The following ZBTB7C variants were observed in gnomAD, a reference collection of about 807,000 sequenced individuals.
The protein encoded by ZBTB7C is zinc finger and BTB domain-containing protein 7C.
A neutral mutation model predicts 25.7 loss-of-function variants in ZBTB7C; 8 were observed. The ratio of observed to expected loss-of-function variants is 0.31; its 90% CI spans 0.18 to 0.56. The LOEUF (loss-of-function observed/expected upper bound fraction) is 0.56, where lower values mean the gene tolerates loss of function less well. Among genes scored for constraint, ZBTB7C ranks in the 20% least tolerant of loss-of-function variants. The probability of loss-of-function intolerance (pLI) is 0.91; values close to 1 mark genes in which losing one functional copy is unlikely to be tolerated. For synonymous variants in ZBTB7C, 394 were observed against 369.0 expected (o/e 1.07, Z -0.78); for missense variants, 824 against 855.2 (o/e 0.96, Z 0.46).
chr18:48,319,629 G>C (rs1220031579), intron 2 of ZBTB7C, among the ~76,000 whole-genome samples: 2 of 152,150 alleles, frequency 1.3e-5, no homozygotes, highest in African/African-American at 4.8e-5. Flanking sequence ...AAGGCTAAAA[G>C]TAATGATAAT....
Position 48,179,903 on chromosome 18 carries a change from T to C in ZBTB7C, c.-17+6031A>G, listed in dbSNP as rs150087003. Among the ~76,000 whole-genome samples the C allele has an allele frequency of 2.1e-5, 3 of 142,408 alleles. No individual in the cohort carries two copies. In the East Asian group the frequency reaches 7.1e-4, roughly 34 times the overall value. The allele number at this position is 142,408 out of a possible 152,430, so 93.4% of individuals were successfully genotyped here. ...CTTCCTGCAAGGAAGATATTTCTCC[T>C]TCCTTCCTCCCTTCCTTCCTTCCTT... On this transcript the variant is annotated intron_variant, in intron 3 of 4. Transcript: ENST00000590800.
chr18:48,130,162 T>C (rs11082653), intron 3 of ZBTB7C, among the ~76,000 whole-genome samples: 128,193 of 152,206 alleles, frequency 0.84, 54,066 homozygotes, highest in Admixed American at 0.88. Context: ...CCTGAAATTG[T>C]ACCTCTAGAG....
intron 1 of ZBTB7C, among the ~76,000 whole-genome samples, chr18:48,402,351 C>T (rs1437109730): frequency 6.6e-6 from 1 of 151,576 alleles, no homozygotes; most frequent in African/African-American, 2.4e-5. Flanking sequence ...TTAAGGAATA[C>T]TACACATCCA....
chr18:48,342,567 C>G (rs1160414712), intron 1 of ZBTB7C, among the ~76,000 whole-genome samples: 1 of 152,260 alleles, frequency 6.6e-6, no homozygotes, highest in Non-Finnish European at 1.5e-5. Context: ...GTAATCAATT[C>G]CCCACAACCC....
chr18:48,301,238 G>A (rs1598819315), intron 2 of ZBTB7C, among the ~76,000 whole-genome samples: 1 of 152,216 alleles, frequency 6.6e-6, no homozygotes, highest in East Asian at 1.9e-4. Context: ...CAGCGCTTTG[G>A]GAGGCTGAGG....
intron 2 of ZBTB7C, among the ~76,000 whole-genome samples, chr18:48,223,414 A>G (rs1040415580): frequency 3.9e-5 from 6 of 152,248 alleles, no homozygotes; most frequent in African/African-American, 1.4e-4. Flanking sequence ...CATCTTTCTC[A>G]GCAAGCTAAT....
chr18:48,210,922 A>G (rs750162934), intron 2 of ZBTB7C, among the ~76,000 whole-genome samples: 15 of 152,324 alleles, frequency 9.8e-5, no homozygotes, highest in Non-Finnish European at 1.9e-4. Context: ...CAAAGTATTC[A>G]GAGGACTGAC....
chr18:48,374,201 G>A (rs1246011072), intron 1 of ZBTB7C: 1 of 152,248 alleles, frequency 6.6e-6, no homozygotes, highest in Non-Finnish European at 1.5e-5. Flanking sequence ...AGCAATGTAA[G>A]CATGGCCTCA....
intron 2 of ZBTB7C, among the ~76,000 whole-genome samples, chr18:48,321,961 A>G (rs1341569907): frequency 3.9e-5 from 6 of 151,992 alleles, no homozygotes; most frequent in Non-Finnish European, 7.4e-5. Flanking sequence ...TATTCCCCAG[A>G]CCCCATTCAC....
chr18:48,357,843 G>T (rs2047011140), intron 1 of ZBTB7C, among the ~76,000 whole-genome samples: 1 of 152,176 alleles, frequency 6.6e-6, no homozygotes, highest in Non-Finnish European at 1.5e-5. Flanking sequence ...TAAACTAACG[G>T]CACAGAGTAG....
chr18:48,211,734 T>C (rs548671413), intron 2 of ZBTB7C, among the ~76,000 whole-genome samples: 8 of 152,252 alleles, frequency 5.3e-5, no homozygotes, highest in Non-Finnish European at 1.0e-4. Context: ...TCATTCATTG[T>C]TGGTGGGGAT....
intron 3 of ZBTB7C, among the ~76,000 whole-genome samples, chr18:48,078,712 G>A (rs1346812223): frequency 6.6e-6 from 1 of 152,188 alleles, no homozygotes; most frequent in Non-Finnish European, 1.5e-5. Flanking sequence ...AGGTAGCAGG[G>A]TGGGGGGCTC....
chr18:48,035,599 G>A (rs976620131), intron 4 of ZBTB7C, among the ~76,000 whole-genome samples: 2 of 152,272 alleles, frequency 1.3e-5, no homozygotes, highest in Admixed American at 6.5e-5. Flanking sequence ...AGTGATGGCT[G>A]CAGATGGGGC....
intron 3 of ZBTB7C, among the ~76,000 whole-genome samples, chr18:48,103,628 G>A (rs1373774403): frequency 1.3e-5 from 2 of 152,176 alleles, no homozygotes; most frequent in African/African-American, 2.4e-5. Context: ...ATAAAAACCT[G>A]TGCACAAATG....
intron 3 of ZBTB7C, among the ~76,000 whole-genome samples, chr18:48,126,617 C>G (rs1299571222): frequency 1.3e-5 from 2 of 152,186 alleles, no homozygotes; most frequent in African/African-American, 4.8e-5. Context: ...TGTGATGAAC[C>G]AGGCTTGTTA....
At chr18:48,138,350 C>A (rs1274383842) in intron 3 of ZBTB7C, among the ~76,000 whole-genome samples, 2 of 152,210 alleles carry the variant, frequency 1.3e-5, no homozygotes, top group Non-Finnish European at 2.9e-5. Flanking sequence ...GAGATTCATT[C>A]CTTCTCGGGG....
intron 3 of ZBTB7C, among the ~76,000 whole-genome samples, chr18:48,153,070 C>G (rs1052657659): frequency 2.0e-5 from 3 of 152,220 alleles, no homozygotes; most frequent in African/African-American, 4.8e-5. Flanking sequence ...GTTGGGATGT[C>G]AGAATCAACC....
At chr18:48,389,265 G>A (rs1403967200) in intron 1 of ZBTB7C, among the ~76,000 whole-genome samples, 1 of 147,916 alleles carries the variant, frequency 6.8e-6, no homozygotes, top group Non-Finnish European at 1.5e-5. Flanking sequence ...GTGTGTGTGT[G>A]TGTGTGTGTG....
intron 3 of ZBTB7C, among the ~76,000 whole-genome samples, chr18:48,054,280 G>A (rs1191380260): frequency 6.6e-6 from 1 of 152,118 alleles, no homozygotes; most frequent in Admixed American, 6.5e-5. Context: ...GGGAGGGAAG[G>A]GCGGCCGGAA....
Sources: allele counts gnomAD v4.1 joint callset (sites outside exome capture counted in the v4.1 genomes callset), GRCh38; gene constraint gnomAD v4.1.1; transcripts MANE v1.5; gene names NCBI Gene and HGNC (gene_info 2026-07-23, HGNC 2026-07-21).